JHY: variants seen among roughly 807,000 people sequenced by gnomAD.
The protein encoded by JHY is junctional cadherin complex regulator.
A neutral mutation model predicts 78.0 loss-of-function variants in JHY; 69 were observed. The observed-to-expected ratio is 0.88, with a 90% CI of 0.73 to 1.08. JHY has a LOEUF of 1.08. JHY is among the 50% of genes least tolerant of loss of function. The probability of loss-of-function intolerance (pLI) is 0.00; values close to 1 mark genes in which losing one functional copy is unlikely to be tolerated. For synonymous variants in JHY, 368 were observed against 342.6 expected (o/e 1.07, Z -0.82); for missense variants, 944 against 927.8 (o/e 1.02, Z -0.23).
At position 122,959,339 on chromosome 11, in the gene JHY, G is replaced by A. The variant is rs148898121; in HGVS notation, c.2231G>A (p.Gly744Glu). 8.1e-6 allele frequency: 13 copies of A among 1,613,960 alleles called. No individual in the cohort carries two copies. In the African/African-American group the frequency reaches 1.6e-4, roughly 20 times the overall value. ...GAACAAAAAAATCCAACCTATGCTG[G>A]GAAAGAAGAAAGTTTACCTGAAATC... ...SKEQKNPTYA[G>E]KEESLPEISL... is the part of the protein sequence containing the mutation. Residue 744 changes from glycine (G) to glutamate (E), a missense_variant, in exon 9 of 9, where the codon GGG becomes GAG. Physicochemically the swap from Gly to Glu is moderately conservative, Grantham distance 98. Transcript: ENST00000227349.
At chr11:122,928,178 C>A (rs960183511) in intron 4 of JHY, among the ~76,000 whole-genome samples, 1 of 152,144 alleles carries the variant, frequency 6.6e-6, no homozygotes, top group African/African-American at 2.4e-5. Flanking sequence ...ATGGGCCAGG[C>A]ACAGTGGCTC....
intron 5 of JHY, among the ~76,000 whole-genome samples, chr11:122,945,993 A>C (rs1402617744): frequency 6.6e-6 from 1 of 152,196 alleles, no homozygotes; most frequent in East Asian, 1.9e-4. Context: ...CCTGCCTCAC[A>C]CAGGACCAAG....
intron 2 of JHY, among the ~76,000 whole-genome samples, chr11:122,900,782 G>T (rs1862840040): frequency 6.6e-6 from 1 of 152,118 alleles, no homozygotes; most frequent in African/African-American, 2.4e-5. Flanking sequence ...GGTCTGATTT[G>T]AAGCCTCGGG....
chr11:122,887,512 G>A (rs1033545909), intron 2 of JHY, among the ~76,000 whole-genome samples: 33 of 152,052 alleles, frequency 2.2e-4, no homozygotes, highest in African/African-American at 6.8e-4. Flanking sequence ...TAGTAGAGAC[G>A]GGGTTTCACC....
At chr11:122,884,046 A>T (rs1862442299) in intron 1 of JHY, among the ~76,000 whole-genome samples, 1 of 152,318 alleles carries the variant, frequency 6.6e-6, no homozygotes, top group Middle Eastern at 3.4e-3. Context: ...GGCACATCCT[A>T]AAAAAGCAAC....
At chr11:122,936,178 C>T (rs1361419827) in intron 5 of JHY, among the ~76,000 whole-genome samples, 5 of 152,274 alleles carry the variant, frequency 3.3e-5, no homozygotes, top group Admixed American at 2.6e-4. Flanking sequence ...TTCGATCAAA[C>T]GTCCTTTCTA....
intron 2 of JHY, among the ~76,000 whole-genome samples, chr11:122,900,238 T>C: frequency 6.6e-6 from 1 of 152,246 alleles, no homozygotes; most frequent in East Asian, 1.9e-4. Flanking sequence ...GTGACAGTTT[T>C]GGCTTTTTGC....
Position 122,885,875 on chromosome 11 carries a change from A to G in JHY, c.26A>G (p.Lys9Arg), listed in dbSNP as rs150274625. ...ATGAGTAAACGTAAACTAATTCCCA[A>G]GCTCTCTATTCAATCTCCTGTCCTT... MSKRKLIP[K>R]LSIQSPVLHT... Residue 9 changes from lysine (K) to arginine (R), a missense_variant, in exon 2 of 9, where the codon AAG becomes AGG. Physicochemically the swap from Lys to Arg is conservative, Grantham distance 26 (BLOSUM62 2). Transcript: ENST00000227349. 3.3e-5 allele frequency: 53 copies of G among 1,610,492 alleles called. No homozygotes were observed. In the East Asian group the frequency reaches 1.1e-3, roughly 34 times the overall value.
In JHY at chr11:122,886,134, A is replaced by G. The variant is rs536375027; in HGVS notation, c.285A>G (p.Lys95=). 2.4e-5 allele frequency: 39 copies of G among 1,614,174 alleles called. 1 individual carries two copies. In the South Asian group the frequency reaches 4.3e-4, roughly 18 times the overall value. The part of the protein sequence containing the change: ...LHEMEEEASG[K]AAQMAREQNH... ...AGATGGAAGAGGAAGCAAGTGGAAA[A>G]GCAGCTCAGATGGCTCGCGAGCAAA... Residue 95 remains lysine (K), a synonymous_variant, in exon 2 of 9, where the codon AAA becomes AAG. Transcript: ENST00000227349.
chr11:122,943,018 ACAGG>A (rs1320460899), intron 5 of JHY, among the ~76,000 whole-genome samples: 1 of 152,056 alleles, frequency 6.6e-6, no homozygotes, highest in Admixed American at 6.6e-5. Flanking sequence ...GGGACTACAG[ACAGG>A]CTCCACCACA....
chr11:122,929,244 T>G (rs77912562), intron 4 of JHY, among the ~76,000 whole-genome samples: 19 of 148,738 alleles, frequency 1.3e-4, no homozygotes, highest in East Asian at 2.0e-4. Context: ...TTTTTTGTTT[T>G]TTTTTTTTTT....
intron 5 of JHY, among the ~76,000 whole-genome samples, chr11:122,942,799 A>G (rs1863900416): frequency 6.6e-6 from 1 of 152,214 alleles, no homozygotes; most frequent in Non-Finnish European, 1.5e-5. Context: ...AAAATTATAA[A>G]TGTTCCTCTA....
chr11:122,924,487 G>A (rs1008761134), intron 3 of JHY, among the ~76,000 whole-genome samples: 4 of 152,184 alleles, frequency 2.6e-5, no homozygotes, highest in Admixed American at 2.0e-4. Context: ...CACACCGCGA[G>A]CATTCCATGT....
intron 3 of JHY, among the ~76,000 whole-genome samples, chr11:122,915,269 T>A (rs982415568): frequency 2.0e-5 from 3 of 152,306 alleles, no homozygotes; most frequent in Middle Eastern, 3.4e-3. Flanking sequence ...CAGACTGCTA[T>A]GAGCCCGCGG....
chr11:122,958,791 C>T, intron 8 of JHY: 1 of 984,882 alleles, frequency 1.0e-6, no homozygotes, highest in African/African-American at 1.7e-5. Flanking sequence ...ATCCTAGGAA[C>T]AAGAATAGCT....
chr11:122,899,952 G>A (rs949021660), intron 2 of JHY, among the ~76,000 whole-genome samples: 1 of 152,206 alleles, frequency 6.6e-6, no homozygotes, highest in Non-Finnish European at 1.5e-5. Flanking sequence ...TGATGCTTAA[G>A]GGTCAAGTGA....
chr11:122,923,491 T>C (rs1863419790), intron 3 of JHY, among the ~76,000 whole-genome samples: 1 of 152,214 alleles, frequency 6.6e-6, no homozygotes, highest in African/African-American at 2.4e-5. Flanking sequence ...GCATTAAGAT[T>C]GCATAACTTT....
At chr11:122,938,379 A>G (rs899789003) in intron 5 of JHY, among the ~76,000 whole-genome samples, 1 of 147,510 alleles carries the variant, frequency 6.8e-6, no homozygotes, top group Non-Finnish European at 1.5e-5. Flanking sequence ...TACTGCTATC[A>G]TGTTTGTTAA....
At chr11:122,906,232 A>G (rs972359451) in intron 3 of JHY, among the ~76,000 whole-genome samples, 9 of 152,200 alleles carry the variant, frequency 5.9e-5, no homozygotes, top group African/African-American at 2.2e-4. Context: ...CTTTCACCCA[A>G]GCTGGAATGC....
Sources: allele counts gnomAD v4.1 joint callset (sites outside exome capture counted in the v4.1 genomes callset), GRCh38; gene constraint gnomAD v4.1.1; transcripts MANE v1.5; gene names NCBI Gene and HGNC (gene_info 2026-07-23, HGNC 2026-07-21).